CNOT4: variants seen among roughly 807,000 people sequenced by gnomAD.
The protein encoded by CNOT4 is CCR4-NOT transcription complex subunit 4.
Under a neutral mutation model 73.8 loss-of-function variants are expected in CNOT4, and 8 were observed. The ratio of observed to expected loss-of-function variants is 0.11; its 90% confidence interval spans 0.06 to 0.20. CNOT4 has a LOEUF of 0.20. CNOT4 is among the 10% of genes least tolerant of loss of function. The probability of loss-of-function intolerance (pLI) is 1.00; values close to 1 mark genes in which losing one functional copy is unlikely to be tolerated. For synonymous variants in CNOT4, 293 were observed against 321.1 expected (o/e 0.91, Z 0.94); for missense variants, 564 against 883.4 (o/e 0.64, Z 4.58).
In CNOT4 at chr7:135,362,809, G is replaced by T. The variant is rs531382236; in HGVS notation, c.*76C>A. 6.2e-6 allele frequency: 8 copies of T among 1,294,510 alleles called. No individual in the cohort carries two copies. In the South Asian group the frequency reaches 9.4e-5, roughly 15 times the overall value. The allele number at this position is 1,294,510 out of a possible 1,614,324, so 80.2% of individuals were successfully genotyped here. On this transcript the variant is annotated 3_prime_UTR_variant, in exon 12 of 12. Transcript: ENST00000541284. ...TCAGAACATAAGAGATGAGAAGGGAGCTGTGGGTGGTGGGCTGAGAGGGAG... is the reference window on the plus strand; with the variant it reads ...TCAGAACATAAGAGATGAGAAGGGATCTGTGGGTGGTGGGCTGAGAGGGAG...
chr7:135,438,047 T>G (rs1799265097), intron 2 of CNOT4, 111 bp downstream of exon 2: 1 of 570,694 alleles, frequency 1.8e-6, no homozygotes, highest in African/African-American at 1.9e-5. Context: ...AATAAAATAA[T>G]ATAATCAGGT....
chr7:135,384,468 G>A (rs1269995164), intron 10 of CNOT4: 2 of 490,836 alleles, frequency 4.1e-6, no homozygotes, highest in African/African-American at 3.9e-5. Flanking sequence ...TGTATTTTTA[G>A]TAGAGACGGG....
At chr7:135,427,682 A>AT (rs1275250887) in intron 2 of CNOT4, among the ~76,000 whole-genome samples, 3 of 152,158 alleles carry the variant, frequency 2.0e-5, no homozygotes, top group Admixed American at 6.5e-5. Flanking sequence ...TGATTATACT[A>AT]TTTTTTTAGG....
chr7:135,424,035 AAC>A (rs1232508698), intron 2 of CNOT4, among the ~76,000 whole-genome samples: 240 of 134,990 alleles, frequency 1.8e-3, no homozygotes, highest in Middle Eastern at 7.2e-3. Context: ...CAAACAAACA[AAC>A]AAAACACACA....
At chr7:135,438,045 A>T in intron 2 of CNOT4, 113 bp downstream of exon 2, 9 of 567,432 alleles carry the variant, frequency 1.6e-5, no homozygotes, top group Non-Finnish European at 1.9e-5. Context: ...ATAATAAAAT[A>T]ATATAATCAG....
intron 1 of CNOT4, among the ~76,000 whole-genome samples, chr7:135,473,660 T>C (rs1225285892): frequency 1.3e-5 from 2 of 152,108 alleles, no homozygotes; most frequent in African/African-American, 2.4e-5. Context: ...GGTGAGAAGA[T>C]GGCTTGAGGC....
At chr7:135,467,151 C>T (rs1021895007) in intron 1 of CNOT4, among the ~76,000 whole-genome samples, 5 of 152,096 alleles carry the variant, frequency 3.3e-5, no homozygotes, top group African/African-American at 1.2e-4. Flanking sequence ...AGACATAATA[C>T]TAGGCATTTA....
At chr7:135,394,494 G>A (rs1267616740) in intron 9 of CNOT4, 79 bp from the exon 10 acceptor site, 1 of 1,172,814 alleles carries the variant, frequency 8.5e-7, no homozygotes, top group Non-Finnish European at 1.2e-6. Flanking sequence ...GCTACTGAAA[G>A]TTAAACATGT....
At chr7:135,379,672 T>A (rs995929703) in intron 10 of CNOT4, among the ~76,000 whole-genome samples, 4 of 152,202 alleles carry the variant, frequency 2.6e-5, no homozygotes. Context: ...AGTGGAACTA[T>A]GGCTGTAACC....
In CNOT4 at chr7:135,411,622, T is replaced by G. The variant is rs528644528; in HGVS notation, c.688-974A>C. Among the ~76,000 whole-genome samples the G allele has an allele frequency of 2.6e-5, 4 of 152,126 alleles. No homozygotes were observed. In the South Asian group the frequency reaches 6.2e-4, roughly 24 times the overall value. On this transcript the variant is annotated intron_variant, in intron 6 of 11. Coordinates refer to ENST00000541284, the MANE Select transcript of CNOT4 (RefSeq NM_001190850.2). ...AAAATAAATGATAATGAACTTACTT[T>G]GAGTAACATTTTACTATTTGCATGT...
At chr7:135,460,017 C>T (rs1443461199) in intron 1 of CNOT4, among the ~76,000 whole-genome samples, 1 of 152,212 alleles carries the variant, frequency 6.6e-6, no homozygotes, top group African/African-American at 2.4e-5. Context: ...CCAATCTCAG[C>T]TAGTTGCAAA....
chr7:135,498,742 T>A (rs903919456), intron 1 of CNOT4, among the ~76,000 whole-genome samples: 3 of 152,110 alleles, frequency 2.0e-5, no homozygotes, highest in Non-Finnish European at 4.4e-5. Flanking sequence ...AGAGACAGGG[T>A]TTCACCATGT....
chr7:135,424,037 C>T (rs1054065739), intron 2 of CNOT4, among the ~76,000 whole-genome samples: 1 of 127,834 alleles, frequency 7.8e-6, no homozygotes, highest in African/African-American at 3.2e-5. Context: ...AACAAACAAA[C>T]AAAACACACA....
At chr7:135,472,727 A>G (rs1801716945) in intron 1 of CNOT4, among the ~76,000 whole-genome samples, 1 of 151,316 alleles carries the variant, frequency 6.6e-6, no homozygotes, top group African/African-American at 2.4e-5. Context: ...GTTAAAAGTA[A>G]AAAATAAATC....
intron 1 of CNOT4, among the ~76,000 whole-genome samples, chr7:135,490,753 A>C (rs576669401): frequency 6.6e-6 from 1 of 152,328 alleles, no homozygotes; most frequent in African/African-American, 2.4e-5. Flanking sequence ...AACTCATGAA[A>C]CTTCTTAAAT....
chr7:135,483,182 A>T (rs767681928), intron 1 of CNOT4, among the ~76,000 whole-genome samples: 35 of 103,250 alleles, frequency 3.4e-4, no homozygotes, highest in East Asian at 8.7e-4. Context: ...AAAAAAATTT[A>T]AAAAAAAAAA....
At chr7:135,496,355 A>G (rs1358475985) in intron 1 of CNOT4, among the ~76,000 whole-genome samples, 1 of 152,192 alleles carries the variant, frequency 6.6e-6, no homozygotes, top group Non-Finnish European at 1.5e-5. Context: ...GGCCTCCCAC[A>G]GTGCTGGGAT....
intron 1 of CNOT4, among the ~76,000 whole-genome samples, chr7:135,481,988 T>C (rs1306478866): frequency 6.6e-6 from 1 of 152,076 alleles, no homozygotes; most frequent in Non-Finnish European, 1.5e-5. Context: ...AAATATACAG[T>C]CAAATAGAAG....
chr7:135,465,419 A>G (rs1305941699), intron 1 of CNOT4, among the ~76,000 whole-genome samples: 2 of 152,228 alleles, frequency 1.3e-5, no homozygotes, highest in Admixed American at 6.5e-5. Context: ...ATCCAAGGGG[A>G]ATACATTCCA....
Sources: gnomAD v4.1 joint callset for allele counts (sites outside exome capture counted in the v4.1 genomes callset) on GRCh38, gnomAD v4.1.1 for gene constraint, MANE v1.5 for transcripts, NCBI Gene and HGNC (gene_info 2026-07-23, HGNC 2026-07-21) for gene names.